Variants in CADPS2 observed in about 807,000 individuals in gnomAD.
CADPS2 encodes the protein calcium dependent secretion activator 2.
In CADPS2, 93 loss-of-function variants were observed where a neutral mutation model predicts 172.5. The ratio of observed to expected loss-of-function variants is 0.54; its 90% CI spans 0.46 to 0.64. CADPS2 has a LOEUF of 0.64. Ranked by LOEUF, CADPS2 falls within the 30% of genes least tolerant of loss-of-function variation. The probability of loss-of-function intolerance (pLI) is 0.00; values close to 1 mark genes in which losing one functional copy is unlikely to be tolerated. For missense variants in CADPS2, 1,420 were observed against 1,565.9 expected (o/e 0.91, Z 1.57); for synonymous variants, 546 against 555.2 (o/e 0.98, Z 0.23).
intron 1 of CADPS2, among the ~76,000 whole-genome samples, chr7:122,764,120 T>C (rs574645660): frequency 6.6e-6 from 1 of 152,186 alleles, no homozygotes; most frequent in African/African-American, 2.4e-5. Context: ...CCCCACATAC[T>C]TGTTTCACTC....
At chr7:122,334,579 C>G (rs2035550673) in intron 28 of CADPS2, among the ~76,000 whole-genome samples, 1 of 152,190 alleles carries the variant, frequency 6.6e-6, no homozygotes. Flanking sequence ...GAACAGAGAG[C>G]AAGAGTGTGC....
At chr7:122,801,343 A>T (rs1448627327) in intron 1 of CADPS2, among the ~76,000 whole-genome samples, 7 of 147,200 alleles carry the variant, frequency 4.8e-5, no homozygotes, top group South Asian at 2.1e-4. Flanking sequence ...AATATGTATT[A>T]AAAAAACTCC....
intron 19 of CADPS2, among the ~76,000 whole-genome samples, chr7:122,408,672 C>T (rs149952155): frequency 1.0e-3 from 152 of 152,256 alleles, no homozygotes; most frequent in African/African-American, 3.6e-3. Flanking sequence ...AGTGATCTGC[C>T]GGCCTTGGCC....
At chr7:122,612,120 T>G (rs2074369840) in intron 6 of CADPS2, among the ~76,000 whole-genome samples, 1 of 152,020 alleles carries the variant, frequency 6.6e-6, no homozygotes, top group African/African-American at 2.4e-5. Flanking sequence ...TTATAAAGGA[T>G]TATATGCTTC....
At chr7:122,757,563 G>C (rs755795665) in intron 1 of CADPS2, among the ~76,000 whole-genome samples, 1 of 151,992 alleles carries the variant, frequency 6.6e-6, no homozygotes, top group Non-Finnish European at 1.5e-5. Context: ...TAGATGCTTT[G>C]TGGTGATTTA....
At chr7:122,651,060 TTATA>T (rs139986410) in intron 3 of CADPS2, among the ~76,000 whole-genome samples, 1 of 152,006 alleles carries the variant, frequency 6.6e-6, no homozygotes, top group Non-Finnish European at 1.5e-5. Flanking sequence ...AGATTTTAAA[TTATA>T]TATATATGAG....
chr7:122,665,692 T>C (rs2081119749), intron 2 of CADPS2, among the ~76,000 whole-genome samples: 1 of 152,318 alleles, frequency 6.6e-6, no homozygotes, highest in Non-Finnish European at 1.5e-5. Context: ...AGTCAAAATA[T>C]GGTTTCCACT....
chr7:122,501,350 CTA>C (rs913972290), intron 9 of CADPS2, among the ~76,000 whole-genome samples: 69 of 152,184 alleles, frequency 4.5e-4, no homozygotes, highest in African/African-American at 1.5e-3. Context: ...AAATTTAAAA[CTA>C]TGATTTTTAG....
At chr7:122,751,543 C>T (rs1361440669) in intron 1 of CADPS2, among the ~76,000 whole-genome samples, 1 of 152,084 alleles carries the variant, frequency 6.6e-6, no homozygotes, top group African/African-American at 2.4e-5. Flanking sequence ...TCAAAACCTA[C>T]AAGAATAACT....
chr7:122,800,158 A>C (rs1305421551), intron 1 of CADPS2, among the ~76,000 whole-genome samples: 2 of 152,244 alleles, frequency 1.3e-5, no homozygotes, highest in African/African-American at 4.8e-5. Flanking sequence ...CATTGAATAA[A>C]ATAACATGCA....
intron 3 of CADPS2, among the ~76,000 whole-genome samples, chr7:122,656,271 A>G (rs1283382390): frequency 6.6e-6 from 1 of 152,166 alleles, no homozygotes; most frequent in East Asian, 1.9e-4. Context: ...GCCATGGCAG[A>G]AAAAAGGGGG....
At chr7:122,374,435 A>G (rs1223537481) in intron 25 of CADPS2, among the ~76,000 whole-genome samples, 1 of 152,114 alleles carries the variant, frequency 6.6e-6, no homozygotes, top group Non-Finnish European at 1.5e-5. Context: ...AATAAAATAA[A>G]TAAGTAAAGA....
intron 3 of CADPS2, among the ~76,000 whole-genome samples, chr7:122,640,876 G>A (rs1385147985): frequency 2.0e-5 from 3 of 150,520 alleles, no homozygotes; most frequent in Non-Finnish European, 4.4e-5. Context: ...GGAGTTTGCA[G>A]TGAGCCGAGA....
At chr7:122,553,560 C>A (rs56326140) in intron 8 of CADPS2, among the ~76,000 whole-genome samples, 30,482 of 152,070 alleles carry the variant, frequency 0.2, 3,248 homozygotes, top group East Asian at 0.34. Context: ...CAGTCCTTAG[C>A]ACCATCCCAA....
At chr7:122,679,708 C>T (rs933961762) in intron 2 of CADPS2, among the ~76,000 whole-genome samples, 4 of 151,868 alleles carry the variant, frequency 2.6e-5, no homozygotes, top group Non-Finnish European at 5.9e-5. Context: ...CTCCCCTGGA[C>T]ATCCAGCTTT....
At chr7:122,341,455 C>T (rs865883068) in intron 28 of CADPS2, among the ~76,000 whole-genome samples, 8 of 152,150 alleles carry the variant, frequency 5.3e-5, no homozygotes, top group Non-Finnish European at 8.8e-5. Context: ...CTTTAGTTTA[C>T]ACGTACTAAG....
chr7:122,763,196 T>C (rs1400906751), intron 1 of CADPS2, among the ~76,000 whole-genome samples: 2 of 152,166 alleles, frequency 1.3e-5, no homozygotes, highest in African/African-American at 2.4e-5. Flanking sequence ...AATATAATCA[T>C]ATTGCATAGC....
At chr7:122,628,739 TGATG>T (rs1011854033) in intron 4 of CADPS2, among the ~76,000 whole-genome samples, 1 of 149,266 alleles carries the variant, frequency 6.7e-6, no homozygotes, top group African/African-American at 2.5e-5. Flanking sequence ...AAGTACAATA[TGATG>T]AATTTCTTGT....
intron 28 of CADPS2, among the ~76,000 whole-genome samples, chr7:122,337,302 A>G (rs2035999808): frequency 6.6e-6 from 1 of 152,226 alleles, no homozygotes. Context: ...TGATTCTACC[A>G]GACCTGCCAC....
Sources: allele counts gnomAD v4.1 joint callset (sites outside exome capture counted in the v4.1 genomes callset), GRCh38; gene constraint gnomAD v4.1.1; transcripts MANE v1.5; gene names NCBI Gene and HGNC (gene_info 2026-07-23, HGNC 2026-07-21).